The following TENM4 variants were observed in gnomAD, a reference collection of about 807,000 sequenced individuals.
The protein encoded by TENM4 is teneurin transmembrane protein 4.
A neutral mutation model predicts 243.3 loss-of-function variants in TENM4; 82 were observed. The observed-to-expected ratio is 0.34, with a 90% confidence interval of 0.28 to 0.40. TENM4 has a LOEUF of 0.40. Ranked by LOEUF, TENM4 falls within the 10% of genes least tolerant of loss-of-function variation. The pLI is 1.00. For synonymous variants in TENM4, 1,412 were observed against 1,456.3 expected, an observed-to-expected ratio of 0.97 and a Z score of 0.69; for missense variants, 3,138 against 3,673.3, an observed-to-expected ratio of 0.85 and a Z score of 3.77.
chr11:79,332,487 T>TA (rs141958844), intron 1 of TENM4, among the ~76,000 whole-genome samples: 29 of 150,010 alleles, frequency 1.9e-4, no homozygotes, highest in Non-Finnish European at 3.0e-4. Flanking sequence ...AAATCTCTTT[T>TA]AAAAAAAAAA....
intron 6 of TENM4, among the ~76,000 whole-genome samples, chr11:79,002,758 C>T (rs1412036422): frequency 6.6e-6 from 1 of 152,158 alleles, no homozygotes; most frequent in Non-Finnish European, 1.5e-5. Context: ...TTCTCATCTC[C>T]AATTGACTGC....
intron 15 of TENM4, among the ~76,000 whole-genome samples, chr11:78,799,260 A>C: frequency 6.6e-6 from 1 of 152,178 alleles, no homozygotes; most frequent in East Asian, 1.9e-4. Flanking sequence ...GATCTAGATA[A>C]TGACTCTTCA....
intron 4 of TENM4, among the ~76,000 whole-genome samples, chr11:79,126,204 C>A (rs1411579377): frequency 6.6e-6 from 1 of 152,132 alleles, no homozygotes; most frequent in Non-Finnish European, 1.5e-5. Context: ...GGAAGGGATC[C>A]AAAGGCTTAG....
intron 17 of TENM4, among the ~76,000 whole-genome samples, chr11:78,771,781 C>T (rs1172855227): frequency 6.6e-6 from 1 of 152,152 alleles, no homozygotes; most frequent in Non-Finnish European, 1.5e-5. Flanking sequence ...GGCCCTGCAC[C>T]CAGAGGAGCT....
intron 6 of TENM4, among the ~76,000 whole-genome samples, chr11:78,917,271 G>A (rs916343943): frequency 1.3e-5 from 2 of 152,166 alleles, no homozygotes; most frequent in Non-Finnish European, 2.9e-5. Context: ...CCAGCCTTTA[G>A]AGAAGTTGCA....
At chr11:79,019,522 T>C (rs151241560) in intron 6 of TENM4, among the ~76,000 whole-genome samples, 1 of 152,316 alleles carries the variant, frequency 6.6e-6, no homozygotes, top group African/African-American at 2.4e-5. Context: ...CAGGTTTCTA[T>C]TTGAATGTCA....
chr11:79,017,587 G>C (rs1199341175), intron 6 of TENM4, among the ~76,000 whole-genome samples: 1 of 152,196 alleles, frequency 6.6e-6, no homozygotes, highest in African/African-American at 2.4e-5. Flanking sequence ...GGGAATGGTG[G>C]GGGGAGAAGT....
intron 6 of TENM4, among the ~76,000 whole-genome samples, chr11:78,978,485 G>T (rs1248730682): frequency 6.6e-6 from 1 of 152,172 alleles, no homozygotes; most frequent in African/African-American, 2.4e-5. Context: ...GATGAAATGA[G>T]CTCCAGACAG....
intron 21 of TENM4, among the ~76,000 whole-genome samples, chr11:78,731,640 A>T (rs1303998888): frequency 6.6e-6 from 1 of 152,218 alleles, no homozygotes; most frequent in Non-Finnish European, 1.5e-5. Flanking sequence ...AGCGAAGGAA[A>T]TTCAACTGGC....
At chr11:79,278,428 A>C (rs746992008) in intron 2 of TENM4, among the ~76,000 whole-genome samples, 23 of 152,200 alleles carry the variant, frequency 1.5e-4, no homozygotes, top group Non-Finnish European at 3.2e-4. Flanking sequence ...CCTTTGGGGC[A>C]GTCCACCTTG....
chr11:78,956,926 A>G (rs139180043), intron 6 of TENM4, among the ~76,000 whole-genome samples: 1 of 152,324 alleles, frequency 6.6e-6, no homozygotes, highest in East Asian at 1.9e-4. Context: ...AACATTTCCA[A>G]ATTCTAAAGT....
chr11:78,844,190 A>G (rs1445693903), intron 12 of TENM4, among the ~76,000 whole-genome samples: 4 of 152,186 alleles, frequency 2.6e-5, no homozygotes, highest in Non-Finnish European at 4.4e-5. Context: ...GGTCTTCTCA[A>G]TTCCTCCTTG....
chr11:78,892,117 G>A (rs1389614491), intron 7 of TENM4, among the ~76,000 whole-genome samples: 1 of 152,194 alleles, frequency 6.6e-6, no homozygotes, highest in African/African-American at 2.4e-5. Context: ...GACAAAAGAG[G>A]ATGCTCTTTG....
chr11:78,900,528 A>G lies in TENM4; in HGVS notation c.749+2740T>C, dbSNP rs376204896. ...TGACATTTTTATCCACAGGGTGGATATGGAGAGAAGATGTATATGAAAAAA... is the reference window on the plus strand; with the variant it reads ...TGACATTTTTATCCACAGGGTGGATGTGGAGAGAAGATGTATATGAAAAAA... On this transcript the variant is annotated intron_variant, in intron 7 of 33. Coordinates refer to ENST00000278550, the MANE Select transcript of TENM4 (RefSeq NM_001098816.3). Among the ~76,000 whole-genome samples, 6 of 152,374 alleles carry G rather than the reference A, an allele frequency of 3.9e-5. No homozygotes were observed. In the South Asian group the frequency reaches 1.2e-3, roughly 32 times the overall value.
At chr11:78,818,566 A>G (rs1857658180) in intron 12 of TENM4, among the ~76,000 whole-genome samples, 1 of 152,228 alleles carries the variant, frequency 6.6e-6, no homozygotes, top group Non-Finnish European at 1.5e-5. Context: ...GCTTATGTAT[A>G]TATTTTTCTT....
In TENM4 at chr11:79,015,320, G is replaced by A. The variant is rs772755553; in HGVS notation, c.493+49418C>T. 9.9e-5 allele frequency among the ~76,000 whole-genome samples: 15 copies of A among 151,966 alleles called. 1 individual carries two copies. Among genetic ancestry groups the A allele is most frequent in the Non-Finnish European group, 1.9e-4 (13 of 67,870 alleles). On this transcript the variant is annotated intron_variant, in intron 6 of 33. Transcript: ENST00000278550. ...AGCCACTGCAATCTCAAACACCTTT[G>A]CTGCACTGAGTGACGCAGGAATTAT...
At chr11:79,375,806 A>T (rs1857880112) in intron 1 of TENM4, among the ~76,000 whole-genome samples, 1 of 152,158 alleles carries the variant, frequency 6.6e-6, no homozygotes, top group African/African-American at 2.4e-5. Flanking sequence ...GAATGGGAGT[A>T]AGAGTGTCGC....
intron 7 of TENM4, among the ~76,000 whole-genome samples, chr11:78,902,035 T>C (rs1483743806): frequency 6.6e-6 from 1 of 152,198 alleles, no homozygotes; most frequent in Non-Finnish European, 1.5e-5. Context: ...TTTTACTTCC[T>C]TAACTGTGGG....
chr11:78,816,237 C>G (rs1857602623), intron 12 of TENM4, among the ~76,000 whole-genome samples: 1 of 152,252 alleles, frequency 6.6e-6, no homozygotes, highest in Admixed American at 6.5e-5. Flanking sequence ...ATACCCTGGG[C>G]ACCTTGCTAT....
Sources: gnomAD v4.1 joint callset for allele counts (sites outside exome capture counted in the v4.1 genomes callset) on GRCh38, gnomAD v4.1.1 for gene constraint, MANE v1.5 for transcripts, NCBI Gene and HGNC (gene_info 2026-07-23, HGNC 2026-07-21) for gene names.